ARID4A: variants seen among roughly 807,000 people sequenced by gnomAD.
ARID4A encodes AT-rich interaction domain 4A.
ARID4A carries 39 observed loss-of-function variants against 148.6 expected under a neutral mutation model. The observed-to-expected ratio is 0.26, with a 90% CI of 0.20 to 0.34. The LOEUF is 0.34. Ranked by LOEUF, ARID4A falls within the 10% of genes least tolerant of loss-of-function variation. The pLI is 1.00. For synonymous variants in ARID4A, 475 were observed against 481.2 expected (o/e 0.99, Z 0.17); for missense variants, 1,265 against 1,449.1 (o/e 0.87, Z 2.06).
chr14:58,343,151 A>T (rs567099928), intron 11 of ARID4A, among the ~76,000 whole-genome samples: 1 of 152,192 alleles, frequency 6.6e-6, no homozygotes, highest in Non-Finnish European at 1.5e-5. Context: ...TTAAATTCAC[A>T]TGGGGAAAAA....
chr14:58,331,406 T>C (rs559032923), intron 11 of ARID4A: 2 of 152,180 alleles, frequency 1.3e-5, no homozygotes, highest in Non-Finnish European at 2.9e-5. Flanking sequence ...TGCTATGCCC[T>C]AAGAGGGAAA....
At chr14:58,299,580 G>T in intron 1 of ARID4A, 1 of 548,154 alleles carries the variant, frequency 1.8e-6, no homozygotes, top group South Asian at 2.2e-5. Flanking sequence ...GCGGTGGGCC[G>T]CTGGCGAGCT....
At chr14:58,320,421 A>G (rs1449706585) in intron 7 of ARID4A, among the ~76,000 whole-genome samples, 5 of 152,122 alleles carry the variant, frequency 3.3e-5, no homozygotes, top group African/African-American at 1.2e-4. Context: ...TACTATCATA[A>G]TATATGGTTA....
intron 19 of ARID4A, among the ~76,000 whole-genome samples, chr14:58,363,555 C>T (rs371286218): frequency 4.7e-4 from 71 of 151,938 alleles, no homozygotes; most frequent in African/African-American, 1.6e-3. Context: ...AAAAATTAGC[C>T]GGGCGTGGTG....
intron 12 of ARID4A, among the ~76,000 whole-genome samples, chr14:58,345,029 T>C (rs923808930): frequency 3.9e-5 from 6 of 151,964 alleles, no homozygotes; most frequent in African/African-American, 1.5e-4. Context: ...CGTGCCACCA[T>C]ACCCAGCTAA....
intron 16 of ARID4A, among the ~76,000 whole-genome samples, chr14:58,353,271 T>A (rs2034717725): frequency 6.6e-6 from 1 of 152,218 alleles, no homozygotes; most frequent in South Asian, 2.1e-4. Context: ...AGCATATTTT[T>A]CTTATTTTGT....
rs760945883 is a variant in ARID4A at position 58,357,720 on chromosome 14, A to G, written c.1854-1412A>G. On this transcript the variant is annotated intron_variant, in intron 17 of 23. Coordinates refer to ENST00000355431, the MANE Select transcript of ARID4A (RefSeq NM_002892.4). ...GCCCAGAGAAGCCAAAAGATTGGAC[A>G]TTCCTGGTCTAAAGCAAGGACTGCC... is the stretch of plus-strand genomic sequence containing the variant. Among the ~76,000 whole-genome samples the G allele has an allele frequency of 8.5e-4, 129 of 151,736 alleles. 1 individual carries two copies. The highest frequency in any genetic ancestry group is 1.4e-3 in the Non-Finnish European group (97 of 67,978).
chr14:58,351,390 T>TA, intron 16 of ARID4A, 67 bp downstream of exon 16: 1 of 1,533,980 alleles, frequency 6.5e-7, no homozygotes, highest in Non-Finnish European at 8.7e-7. Flanking sequence ...TGTTCCTGCT[T>TA]AGAGATTCAG....
At chr14:58,312,820 G>C (rs1368871680) in intron 5 of ARID4A, among the ~76,000 whole-genome samples, 2 of 152,130 alleles carry the variant, frequency 1.3e-5, no homozygotes, top group South Asian at 4.1e-4. Flanking sequence ...GAGGATAATG[G>C]TTCCTACTTT....
At chr14:58,343,886 CT>C (rs2034231115) in intron 11 of ARID4A, among the ~76,000 whole-genome samples, 1 of 151,506 alleles carries the variant, frequency 6.6e-6, no homozygotes, top group Non-Finnish European at 1.5e-5. Context: ...GAGAGTAATA[CT>C]CTAAGTTATG....
Position 58,300,694 on chromosome 14 carries a change from T to C in ARID4A, c.6+834T>C, listed in dbSNP as rs181256412. Among the ~76,000 whole-genome samples, 666 of 152,252 alleles carry C rather than the reference T, an allele frequency of 4.4e-3. 4 individuals are homozygous for C. Among genetic ancestry groups the C allele is most frequent in the Non-Finnish European group, 7.1e-3 (486 of 67,998 alleles). ...CTTTAATATTACTTGGGAAAACTTA[T>C]TAGAAAACAAAAAATCATTTTCTAC... is the stretch of plus-strand genomic sequence containing the variant. On this transcript the variant is annotated intron_variant, in intron 2 of 23. Coordinates refer to ENST00000355431, the MANE Select transcript of ARID4A (RefSeq NM_002892.4).
chr14:58,318,478 T>G, intron 5 of ARID4A, 64 bp from the exon 6 acceptor site: 1 of 1,441,490 alleles, frequency 6.9e-7, no homozygotes, highest in Non-Finnish European at 9.7e-7. Flanking sequence ...AATAGCATTC[T>G]GTGCTTTTAA....
chr14:58,326,234 G>A (rs2033201733), intron 8 of ARID4A, among the ~76,000 whole-genome samples: 1 of 152,110 alleles, frequency 6.6e-6, no homozygotes, highest in South Asian at 2.1e-4. Context: ...TCAGGAGATC[G>A]AGACCATCCT....
intron 4 of ARID4A, among the ~76,000 whole-genome samples, chr14:58,305,342 G>A (rs1038045567): frequency 6.6e-6 from 1 of 152,050 alleles, no homozygotes; most frequent in Non-Finnish European, 1.5e-5. Context: ...TCTAAGTTGA[G>A]TATCATAACC....
intron 5 of ARID4A, among the ~76,000 whole-genome samples, chr14:58,318,201 A>G (rs1339558264): frequency 6.6e-6 from 1 of 152,164 alleles, no homozygotes; most frequent in Non-Finnish European, 1.5e-5. Flanking sequence ...TACTTTTTTT[A>G]ATCAGGTTTT....
intron 5 of ARID4A, among the ~76,000 whole-genome samples, chr14:58,307,397 T>C (rs2031689685): frequency 6.6e-6 from 1 of 152,264 alleles, no homozygotes; most frequent in Admixed American, 6.5e-5. Context: ...TGTGTGTAAG[T>C]ACTTTTTTCA....
At chr14:58,328,169 C>A in intron 8 of ARID4A, 68 bp from the exon 9 acceptor site, 1 of 1,181,688 alleles carries the variant, frequency 8.5e-7, no homozygotes, top group Admixed American at 2.0e-5. Flanking sequence ...CAGAATTGTT[C>A]TTTTGAAAAA....
chr14:58,324,464 T>C (rs2033106334), intron 8 of ARID4A, among the ~76,000 whole-genome samples: 1 of 151,970 alleles, frequency 6.6e-6, no homozygotes. Context: ...TTATTTTTTG[T>C]AGACATGTAG....
At chr14:58,342,446 TA>T (rs1372641113) in intron 11 of ARID4A, among the ~76,000 whole-genome samples, 1 of 152,230 alleles carries the variant, frequency 6.6e-6, no homozygotes, top group African/African-American at 2.4e-5. Context: ...TCTATAAAAA[TA>T]TATTCTTAAC....
Sources: gnomAD v4.1 joint callset for allele counts (sites outside exome capture counted in the v4.1 genomes callset) on GRCh38, gnomAD v4.1.1 for gene constraint, MANE v1.5 for transcripts, NCBI Gene and HGNC (gene_info 2026-07-23, HGNC 2026-07-21) for gene names.